Variants in FAM9A observed in about 807,000 individuals in gnomAD.
FAM9A encodes the protein family with sequence similarity 9 member A.
Under a neutral mutation model 25.0 loss-of-function variants are expected in FAM9A, and 49 were observed. That is an observed-to-expected ratio of 1.96 (90% confidence interval 1.56 to 2.48). The LOEUF is 2.48. Among genes scored for constraint, FAM9A ranks in the 30% most tolerant of loss-of-function variants. The pLI is 0.00. For missense variants in FAM9A, 266 were observed against 249.3 expected (o/e 1.07, Z -0.45); for synonymous variants, 80 against 85.1 (o/e 0.94, Z 0.33).
chrX:8,798,151 T>A lies in FAM9A; in HGVS notation c.372A>T (p.Ala124=). Residue 124 remains alanine, a splice_region_variant and synonymous_variant, in exon 5 of 10, where the codon GCA becomes GCT. Transcript: ENST00000381003. ...GIHTMKLEHI[A]ADIKKGLAAK... is the part of the protein sequence containing the mutation. ...CTACGAATAGCTCCTAAAACATACC[T>A]GCAATATGTTCTAGCTTCATGGTAT... 8.3e-7 allele frequency: 1 copy of A among 1,202,905 alleles called. No homozygotes were observed. Among genetic ancestry groups the A allele is most frequent in the Non-Finnish European group, 1.1e-6 (1 of 890,316 alleles).
At chrX:8,793,270 C>T (rs1400502104) in intron 8 of FAM9A, among the ~76,000 whole-genome samples, 1 of 111,999 alleles carries the variant, frequency 8.9e-6, no homozygotes, top group African/African-American at 3.2e-5. Context: ...CCTAGTGTTC[C>T]ATTATTGGAA....
intron 5 of FAM9A, 92 bp downstream of exon 5, chrX:8,798,058 A>T (rs1278215932): frequency 3.5e-6 from 3 of 850,018 alleles, no homozygotes; most frequent in Non-Finnish European, 5.0e-6. Context: ...ATGTTAAGAC[A>T]GTCTCGTCGT....
At chrX:8,797,388 T>G (rs953360263) in intron 5 of FAM9A, among the ~76,000 whole-genome samples, 2 of 112,232 alleles carry the variant, frequency 1.8e-5, no homozygotes, top group African/African-American at 6.5e-5. Flanking sequence ...TTATGAGTTT[T>G]TGGATCCAAT....
intron 1 of FAM9A, among the ~76,000 whole-genome samples, chrX:8,801,038 C>T (rs1933603896): frequency 1.0e-5 from 1 of 96,890 alleles, no homozygotes; most frequent in Non-Finnish European, 2.1e-5. Flanking sequence ...CTGACCCAGG[C>T]CCCAGGCAAC....
chrX:8,796,761 A>C (rs971011873), intron 5 of FAM9A, among the ~76,000 whole-genome samples: 1 of 112,190 alleles, frequency 8.9e-6, no homozygotes, highest in African/African-American at 3.2e-5. Flanking sequence ...TCATTATGTA[A>C]AACATACAGA....
Position 8,794,421 on chromosome X carries a change from G to A in FAM9A, c.831+657C>T, listed in dbSNP as rs1330969779. On this transcript the variant is annotated intron_variant, in intron 7 of 9. Coordinates refer to ENST00000381003, the MANE Select transcript of FAM9A (RefSeq NM_174951.3). ...TAACTCTGACATAAGTTCTCTTACCGTGTCTCCTTTTGCAGATAAGGAAAT... is the reference window on the plus strand; with the variant it reads ...TAACTCTGACATAAGTTCTCTTACCATGTCTCCTTTTGCAGATAAGGAAAT... 2.7e-5 allele frequency among the ~76,000 whole-genome samples: 3 copies of A among 111,785 alleles called. No individual in the cohort carries two copies. The Admixed American group carries it at 2.8e-4, about 11-fold the overall frequency.
intron 1 of FAM9A, 122 bp from the exon 2 acceptor site, chrX:8,800,331 A>G (rs1933592436): frequency 1.1e-6 from 1 of 902,149 alleles, no homozygotes; most frequent in Admixed American, 3.2e-5. Context: ...CTGTGGGAGC[A>G]GGAGGGGTCG....
intron 3 of FAM9A, 63 bp downstream of exon 3, chrX:8,798,903 A>G: frequency 1.5e-5 from 18 of 1,201,785 alleles, no homozygotes; most frequent in Non-Finnish European, 1.9e-5. Context: ...TCCCGCGCAA[A>G]GAGCAGACAG....
chrX:8,791,464 C>A, intron 8 of FAM9A, 85 bp from the exon 9 acceptor site: 1 of 687,957 alleles, frequency 1.5e-6, no homozygotes, highest in Non-Finnish European at 2.1e-6. Context: ...CAAAAGGAAA[C>A]AGCTTTTAAT....
intron 2 of FAM9A, 44 bp downstream of exon 2, chrX:8,800,037 C>T (rs759577217): frequency 7.6e-6 from 9 of 1,184,591 alleles, no homozygotes; most frequent in South Asian, 3.6e-5. Context: ...TGCCCATGTG[C>T]CCCCCGCGCA....
chrX:8,800,531 T>C lies in FAM9A; in HGVS notation c.-38-322A>G, dbSNP rs1177946851. On this transcript the variant is annotated intron_variant, in intron 1 of 9. Transcript: ENST00000381003. ...TGCGTGGCCCGGAGGACCACGGGTGTCACAGGACCTCCCCAGCCATCTCTG... is the reference window on the plus strand; with the variant it reads ...TGCGTGGCCCGGAGGACCACGGGTGCCACAGGACCTCCCCAGCCATCTCTG... Among the ~76,000 whole-genome samples the C allele has an allele frequency of 6.0e-3, 662 of 109,649 alleles. 7 individuals carry two copies. The highest frequency in any genetic ancestry group is 9.8e-3 in the Non-Finnish European group (509 of 51,980).
chrX:8,800,042 C>T (rs1325472230), intron 2 of FAM9A, 39 bp downstream of exon 2: 5 of 1,195,687 alleles, frequency 4.2e-6, no homozygotes, highest in Non-Finnish European at 5.7e-6. Context: ...ATGTGCCCCC[C>T]GCGCAGAGAG....
chrX:8,797,094 TCATAAAAGATCTGCAC>T (rs1321020592), intron 5 of FAM9A, among the ~76,000 whole-genome samples: 1 of 112,062 alleles, frequency 8.9e-6, no homozygotes, highest in Non-Finnish European at 1.9e-5. Flanking sequence ...TTTTCAGCAA[TCATAAAAGATCTGCAC>T]CATAATACAA....
intron 8 of FAM9A, among the ~76,000 whole-genome samples, chrX:8,793,265 T>C (rs764878925): frequency 8.9e-6 from 1 of 112,380 alleles, no homozygotes; most frequent in South Asian, 3.7e-4. Context: ...TTATGCCTAG[T>C]GTTCCATTAT....
At chrX:8,799,468 C>G (rs1237693099) in intron 2 of FAM9A, among the ~76,000 whole-genome samples, 1 of 110,711 alleles carries the variant, frequency 9.0e-6, no homozygotes, top group African/African-American at 3.3e-5. Context: ...TGCACTGCCA[C>G]TTGCCTGCCT....
At chrX:8,791,628 G>A (rs759992576) in intron 8 of FAM9A, among the ~76,000 whole-genome samples, 1 of 111,675 alleles carries the variant, frequency 9.0e-6, no homozygotes, top group South Asian at 3.8e-4. Context: ...AATAAAATGG[G>A]TTGATGAGCA....
intron 8 of FAM9A, 61 bp from the exon 9 acceptor site, chrX:8,791,440 G>T: frequency 1.2e-6 from 1 of 866,549 alleles, no homozygotes; most frequent in Non-Finnish European, 1.6e-6. Context: ...TTTTAAACAG[G>T]GTTAATCAGA....
At chrX:8,797,450 T>C (rs1284514648) in intron 5 of FAM9A, among the ~76,000 whole-genome samples, 2 of 112,270 alleles carry the variant, frequency 1.8e-5, no homozygotes, top group Non-Finnish European at 1.9e-5. Context: ...TAGTACACAG[T>C]TTATTACTGG....
chrX:8,798,008 A>G (rs1933552501), intron 5 of FAM9A, 142 bp downstream of exon 5: 1 of 553,116 alleles, frequency 1.8e-6, no homozygotes, highest in African/African-American at 2.4e-5. Flanking sequence ...AACGCATTAC[A>G]TTAAATACAT....
Sources: allele counts gnomAD v4.1 joint callset (sites outside exome capture counted in the v4.1 genomes callset), GRCh38; gene constraint gnomAD v4.1.1; transcripts MANE v1.5; gene names NCBI Gene and HGNC (gene_info 2026-07-23, HGNC 2026-07-21).